The following EXOC6 variants were observed in gnomAD, a reference collection of about 807,000 sequenced individuals.
EXOC6 encodes the protein exocyst complex component 6, also known as SEC15-like 1.
In EXOC6, 60 loss-of-function variants were observed where a neutral mutation model predicts 112.5. That is an observed-to-expected ratio of 0.53 (90% CI 0.43 to 0.66). EXOC6 has a LOEUF of 0.66. EXOC6 is among the 30% of genes least tolerant of loss of function. The pLI is 0.00. For missense variants in EXOC6, 855 were observed against 957.1 expected, an observed-to-expected ratio of 0.89 and a Z score of 1.41; for synonymous variants, 295 against 308.0, an observed-to-expected ratio of 0.96 and a Z score of 0.44.
At chr10:92,907,091 T>C (rs1163561978) in intron 5 of EXOC6, among the ~76,000 whole-genome samples, 2 of 152,156 alleles carry the variant, frequency 1.3e-5, no homozygotes, top group Non-Finnish European at 2.9e-5. Flanking sequence ...TTCACCTGAA[T>C]TTTCCCAGAA....
intron 19 of EXOC6, among the ~76,000 whole-genome samples, chr10:93,013,379 G>A (rs1399896043): frequency 6.6e-6 from 1 of 152,086 alleles, no homozygotes; most frequent in Non-Finnish European, 1.5e-5. Context: ...GCCGAGGCAG[G>A]TGGATTGCCT....
chr10:92,975,893 C>T, intron 18 of EXOC6, among the ~76,000 whole-genome samples: 1 of 142,880 alleles, frequency 7.0e-6, no homozygotes, highest in African/African-American at 2.6e-5. Flanking sequence ...CTCTGCCTGG[C>T]CAGCCGCCCC....
intron 19 of EXOC6, among the ~76,000 whole-genome samples, chr10:93,011,570 T>A (rs1274603861): frequency 3.3e-5 from 5 of 152,138 alleles, no homozygotes; most frequent in African/African-American, 1.2e-4. Context: ...CCAAAAAAAG[T>A]ATTTTTTTAA....
At chr10:92,847,283 A>T (rs2133607375), upstream of EXOC6, among the ~76,000 whole-genome samples, 1 of 152,288 alleles carries the variant, frequency 6.6e-6, no homozygotes, top group Non-Finnish European at 1.5e-5. Flanking sequence ...ACAGTCATTT[A>T]ACTGACATAT....
chr10:92,875,529 T>C (rs1848646390), intron 1 of EXOC6, among the ~76,000 whole-genome samples: 1 of 152,230 alleles, frequency 6.6e-6, no homozygotes, highest in African/African-American at 2.4e-5. Context: ...ATTTCATACA[T>C]ATCTCATGAA....
At position 92,911,831 on chromosome 10, in the gene EXOC6, A is replaced by G. The variant is rs1327449414; in HGVS notation, c.663+2200A>G. Among the ~76,000 whole-genome samples the G allele has an allele frequency of 2.6e-5, 4 of 151,950 alleles. No homozygotes were observed. In the East Asian group the frequency reaches 7.7e-4, roughly 29 times the overall value. On this transcript the variant is annotated intron_variant, in intron 6 of 21. Transcript: ENST00000260762. The stretch of plus-strand genomic sequence containing the variant: ...TATAGTGAGAGTTAGACTTCTCAAG[A>G]TTTGATAAGAAAAGTTGTATTTTTT...
At chr10:93,055,658 A>G (rs1846503077) in intron 20 of EXOC6, among the ~76,000 whole-genome samples, 1 of 150,940 alleles carries the variant, frequency 6.6e-6, no homozygotes, top group South Asian at 2.1e-4. Context: ...TTCAGACAGT[A>G]TATTCTTTAA....
intron 17 of EXOC6, among the ~76,000 whole-genome samples, chr10:92,966,194 C>T (rs1589930384): frequency 6.6e-6 from 1 of 151,224 alleles, no homozygotes; most frequent in African/African-American, 2.4e-5. Context: ...TTATGTTTTC[C>T]CTTTTATTTT....
chr10:93,021,881 G>A (rs1201705460), intron 20 of EXOC6, among the ~76,000 whole-genome samples: 3 of 152,102 alleles, frequency 2.0e-5, no homozygotes, highest in African/African-American at 4.8e-5. Context: ...AATTTTTATG[G>A]TGGTAATTCG....
chr10:93,030,529 G>T (rs1845225004), intron 20 of EXOC6, among the ~76,000 whole-genome samples: 1 of 152,172 alleles, frequency 6.6e-6, no homozygotes, highest in African/African-American at 2.4e-5. Flanking sequence ...AGTAACACAG[G>T]ATTCCTTGTG....
upstream of EXOC6, chr10:92,831,413 TCTATA>T (rs1051129073): frequency 1.0e-6 from 1 of 963,836 alleles, no homozygotes; most frequent in African/African-American, 1.7e-5. Flanking sequence ...ATAGTATTCT[TCTATA>T]CTATATTCTA....
intron 1 of EXOC6, among the ~76,000 whole-genome samples, chr10:92,841,103 ATATTAT>A (rs1846834668): frequency 6.6e-6 from 1 of 152,166 alleles, no homozygotes; most frequent in African/African-American, 2.4e-5. Context: ...AATACGCAGT[ATATTAT>A]TATTATTAAT....
chr10:92,992,869 A>T (rs1402293783), intron 18 of EXOC6, among the ~76,000 whole-genome samples: 1 of 151,728 alleles, frequency 6.6e-6, no homozygotes, highest in Non-Finnish European at 1.5e-5. Flanking sequence ...AAATACACAT[A>T]CTGAAATGAA....
intron 20 of EXOC6, among the ~76,000 whole-genome samples, chr10:93,041,575 T>A (rs915094909): frequency 1.1e-4 from 17 of 151,806 alleles, no homozygotes; most frequent in African/African-American, 4.1e-4. Context: ...CATACCTGGC[T>A]AATTTTTTTT....
intron 12 of EXOC6, among the ~76,000 whole-genome samples, chr10:92,939,562 C>G (rs1852541740): frequency 6.6e-6 from 1 of 151,858 alleles, no homozygotes; most frequent in Non-Finnish European, 1.5e-5. Flanking sequence ...GTTTAATGTA[C>G]TTGCTGGCTG....
Position 92,839,483 on chromosome 10 carries a change from T to A in EXOC6, c.86+4659T>A, listed in dbSNP as rs1361568696. Among the ~76,000 whole-genome samples the A allele has an allele frequency of 2.6e-5, 4 of 152,212 alleles. No individual in the cohort carries two copies. The East Asian group carries it at 5.8e-4, about 22-fold the overall frequency. Reference sequence around the variant, plus strand: ...GGGAATGGTTGCCTGAATCTTCATATTGAGGATGATCCTGATAAATTAGTG... The same window carrying A: ...GGGAATGGTTGCCTGAATCTTCATAATGAGGATGATCCTGATAAATTAGTG... On this transcript the variant is annotated intron_variant, in intron 1 of 21. Coordinates refer to the EXOC6 transcript ENST00000371552.
intron 5 of EXOC6, among the ~76,000 whole-genome samples, chr10:92,904,352 G>A (rs1323098813): frequency 6.6e-6 from 1 of 152,048 alleles, no homozygotes; most frequent in Non-Finnish European, 1.5e-5. Flanking sequence ...GTAAGACTAT[G>A]TTTAGTTTTG....
intron 8 of EXOC6, among the ~76,000 whole-genome samples, chr10:92,924,134 T>C (rs1266751282): frequency 6.6e-6 from 1 of 152,188 alleles, no homozygotes; most frequent in Admixed American, 6.5e-5. Context: ...ACCTGTTCTT[T>C]TTCCCCCTAG....
At chr10:92,882,234 T>G (rs1415486538) in intron 1 of EXOC6, among the ~76,000 whole-genome samples, 1 of 152,134 alleles carries the variant, frequency 6.6e-6, no homozygotes, top group East Asian at 1.9e-4. Context: ...TGAGCAAACC[T>G]TTTGTGCATT....
Sources: allele counts gnomAD v4.1 joint callset (sites outside exome capture counted in the v4.1 genomes callset), GRCh38; gene constraint gnomAD v4.1.1; transcripts MANE v1.5; gene names NCBI Gene and HGNC (gene_info 2026-07-23, HGNC 2026-07-21).